Variants in ACKR2 observed in about 807,000 individuals in gnomAD.
The protein encoded by ACKR2 is C-C chemokine receptor D6.
For missense variants in ACKR2, 457 were observed against 477.3 expected (o/e 0.96, Z 0.40); for synonymous variants, 207 against 192.2 (o/e 1.08, Z -0.64).
chr3:42,837,348 C>T (rs1700995973), intron 2 of ACKR2, among the ~76,000 whole-genome samples: 1 of 152,102 alleles, frequency 6.6e-6, no homozygotes, highest in African/African-American at 2.4e-5. Context: ...TCCGGAGTAG[C>T]TGGGACTACA....
chr3:42,864,689 G>A lies in ACKR2; in HGVS notation c.187G>A (p.Gly63Arg), dbSNP rs777309929. 8.1e-6 allele frequency: 13 copies of A among 1,613,992 alleles called. No homozygotes were observed. The highest frequency in any genetic ancestry group is 1.6e-4 in the Middle Eastern group (1 of 6,084). Residue 63 changes from glycine (G) to arginine (R), a missense_variant, in exon 3 of 3, where the codon GGG (glycine) becomes AGG (arginine). By Grantham distance (125) the Gly-to-Arg change is moderately radical (BLOSUM62 -2). Coordinates refer to ENST00000422265, the MANE Select transcript of ACKR2 (RefSeq NM_001296.5). ...YSLIFVLGLSGNLLLLMVLLR... is the reference protein window; with the variant it reads ...YSLIFVLGLSRNLLLLMVLLR... Reference sequence around the variant, plus strand: ...CCTGATTTTTGTGTTGGGCCTCAGCGGGAACCTCCTTCTTCTCATGGTCTT... The same window carrying A: ...CCTGATTTTTGTGTTGGGCCTCAGCAGGAACCTCCTTCTTCTCATGGTCTT...
chr3:42,865,581 C>T lies in ACKR2; in HGVS notation c.1079C>T (p.Thr360Ile). ...SSILTAQEEM[T>I]GMNDLGERQS... The stretch of plus-strand genomic sequence containing the variant: ...ATACTTACTGCCCAAGAGGAAATGA[C>T]TGGCATGAATGACCTTGGAGAGAGG... Residue 360 changes from threonine to isoleucine, a missense_variant, in exon 3 of 3, where the codon ACT becomes ATT. Thr to Ile is a moderately conservative substitution (Grantham distance 89). Transcript: ENST00000422265. The T allele has an allele frequency of 6.2e-7, 1 of 1,614,188 alleles. No homozygotes were observed. The highest frequency in any genetic ancestry group is 8.5e-7 in the Non-Finnish European group (1 of 1,180,028).
chr3:42,845,848 C>CAAAAAA (rs35395771), intron 2 of ACKR2, among the ~76,000 whole-genome samples: 10 of 49,336 alleles, frequency 2.0e-4, no homozygotes, highest in African/African-American at 2.9e-4. Context: ...GACTCCGTCT[C>CAAAAAA]AAAAAAAAAA....
At chr3:42,851,685 T>C (rs1701161376) in intron 2 of ACKR2, among the ~76,000 whole-genome samples, 1 of 152,138 alleles carries the variant, frequency 6.6e-6, no homozygotes, top group South Asian at 2.1e-4. Flanking sequence ...GCTCTGAGAA[T>C]CTGCTTTGCA....
chr3:42,846,335 C>T (rs1272894496), intron 2 of ACKR2, among the ~76,000 whole-genome samples: 1 of 152,130 alleles, frequency 6.6e-6, no homozygotes, highest in Non-Finnish European at 1.5e-5. Context: ...TCTCAGTTTC[C>T]AGAGACCTTG....
intron 1 of ACKR2, among the ~76,000 whole-genome samples, chr3:42,813,521 G>T (rs1038189725): frequency 2.6e-5 from 4 of 152,170 alleles, no homozygotes; most frequent in Non-Finnish European, 5.9e-5. Flanking sequence ...GAGAAAGCAA[G>T]TGAAGGAAGA....
intron 2 of ACKR2, among the ~76,000 whole-genome samples, chr3:42,824,888 C>T (rs916441442): frequency 6.6e-6 from 1 of 152,064 alleles, no homozygotes; most frequent in African/African-American, 2.4e-5. Flanking sequence ...AAGGAATTAC[C>T]AAAATTGTTT....
intron 2 of ACKR2, among the ~76,000 whole-genome samples, chr3:42,849,817 G>A (rs1320098959): frequency 6.6e-6 from 1 of 152,194 alleles, no homozygotes; most frequent in African/African-American, 2.4e-5. Context: ...AGTTCATTAT[G>A]TGTGGAGAAA....
chr3:42,866,723 A>T lies in ACKR2; in HGVS notation c.*1066A>T, dbSNP rs1458130267. On this transcript the variant is annotated 3_prime_UTR_variant, in exon 3 of 3. Transcript: ENST00000422265. The stretch of plus-strand genomic sequence containing the variant: ...AAGGTCTCAATTAGCGTTATTGGCA[A>T]TTCTAGAATCAGGCAACAGACTCAT... The T allele has an allele frequency of 6.0e-6, 1 of 167,046 alleles. No homozygotes were observed. Among genetic ancestry groups the T allele is most frequent in the African/African-American group, 2.4e-5 (1 of 41,430 alleles). The allele number at this position is 167,046 out of a possible 1,614,324, so 10.3% of individuals were successfully genotyped here.
chr3:42,866,400 C>T lies in ACKR2; in HGVS notation c.*743C>T, dbSNP rs1239615562. On this transcript the variant is annotated 3_prime_UTR_variant, in exon 3 of 3. Transcript: ENST00000422265. ...CTGCGTTGGCCAGGATGATCTCGAT[C>T]TCTTGACCTTGGGATCCACCCGCCT... 1 of 155,196 alleles carries T rather than the reference C, an allele frequency of 6.4e-6. No homozygotes were observed. Among genetic ancestry groups the T allele is most frequent in the African/African-American group, 2.4e-5 (1 of 41,390 alleles). The allele number at this position is 155,196 out of a possible 1,614,324, so 9.6% of individuals were successfully genotyped here.
intron 2 of ACKR2, among the ~76,000 whole-genome samples, chr3:42,820,673 C>T (rs60103249): frequency 0.015 from 2,141 of 146,806 alleles, 57 homozygotes; most frequent in African/African-American, 0.05. Flanking sequence ...TGTTACCCTG[C>T]TTTCTGAGGG....
chr3:42,835,825 C>T (rs758649271), intron 2 of ACKR2: 1 of 152,158 alleles, frequency 6.6e-6, no homozygotes, highest in Admixed American at 6.6e-5. Flanking sequence ...TCTGTGCTTC[C>T]TGATTCTGCG....
At chr3:42,859,670 C>T (rs1318792074) in intron 2 of ACKR2, among the ~76,000 whole-genome samples, 6 of 152,070 alleles carry the variant, frequency 3.9e-5, no homozygotes, top group Non-Finnish European at 5.9e-5. Flanking sequence ...CGTGAGCCGC[C>T]GCGCCTGGCC....
intron 2 of ACKR2, among the ~76,000 whole-genome samples, chr3:42,845,089 C>T (rs1701079262): frequency 6.6e-6 from 1 of 152,174 alleles, no homozygotes; most frequent in Admixed American, 6.5e-5. Flanking sequence ...TCCCCATGTG[C>T]CATGTCCCTG....
intron 2 of ACKR2, among the ~76,000 whole-genome samples, chr3:42,824,261 T>A (rs1400402717): frequency 1.3e-5 from 2 of 152,202 alleles, no homozygotes; most frequent in Non-Finnish European, 2.9e-5. Context: ...TTTTAAAAAA[T>A]TTGTATTTTT....
chr3:42,811,096 C>A (rs1286307382), intron 1 of ACKR2, among the ~76,000 whole-genome samples: 1 of 152,194 alleles, frequency 6.6e-6, no homozygotes, highest in Non-Finnish European at 1.5e-5. Flanking sequence ...GTGATCTGCC[C>A]ACCTCAGCCT....
intron 2 of ACKR2, among the ~76,000 whole-genome samples, chr3:42,828,092 A>ATATATTTTT (rs1193533555): frequency 0.013 from 1,591 of 121,742 alleles, 14 homozygotes; most frequent in Non-Finnish European, 0.02. Context: ...ATATATATAT[A>ATATATTTTT]TTTTTTTTTT....
chr3:42,858,126 G>A (rs961280382), intron 2 of ACKR2, among the ~76,000 whole-genome samples: 7 of 152,206 alleles, frequency 4.6e-5, no homozygotes, highest in South Asian at 2.1e-4. Context: ...CCTGCCTGCC[G>A]GCTCTGAAGA....
chr3:42,837,978 T>C (rs923226268), intron 2 of ACKR2, among the ~76,000 whole-genome samples: 3 of 152,160 alleles, frequency 2.0e-5, no homozygotes, highest in Non-Finnish European at 4.4e-5. Context: ...ACACTGAAGA[T>C]ACATAAATTT....
Sources: gnomAD v4.1 joint callset for allele counts (sites outside exome capture counted in the v4.1 genomes callset) on GRCh38, gnomAD v4.1.1 for gene constraint, MANE v1.5 for transcripts, NCBI Gene and HGNC (gene_info 2026-07-23, HGNC 2026-07-21) for gene names.